The following R3HDM2 variants were observed in gnomAD, a reference collection of about 807,000 sequenced individuals.
R3HDM2 encodes R3H domain containing 2, also known as R3H domain-containing protein 2.
A neutral mutation model predicts 124.5 loss-of-function variants in R3HDM2; 38 were observed. The observed-to-expected ratio is 0.31, with a 90% confidence interval of 0.24 to 0.40. The LOEUF is 0.40. R3HDM2 is among the 10% of genes least tolerant of loss of function. The pLI, the probability that R3HDM2 is intolerant of heterozygous loss-of-function variation, is 1.00. For synonymous variants in R3HDM2, 391 were observed against 448.0 expected (o/e 0.87, Z 1.61); for missense variants, 869 against 1,236.9 (o/e 0.70, Z 4.46).
rs78522548 is a variant in R3HDM2 at position 57,339,855 on chromosome 12, T to G, written c.-35-29392A>C. 4.0e-4 allele frequency among the ~76,000 whole-genome samples: 61 copies of G among 152,306 alleles called. 1 individual carries two copies. In the East Asian group the frequency reaches 0.012, roughly 29 times the overall value. Reference sequence around the variant, plus strand: ...CCTTCCAACATATATATCACATTTTTAATTATCCCAAACGGGGTGATGCTA... The same window carrying G: ...CCTTCCAACATATATATCACATTTTGAATTATCCCAAACGGGGTGATGCTA... On this transcript the variant is annotated intron_variant, in intron 2 of 23. Transcript: ENST00000402412.
intron 1 of R3HDM2, among the ~76,000 whole-genome samples, chr12:57,402,902 C>A (rs1320512000): frequency 1.3e-5 from 2 of 152,014 alleles, no homozygotes; most frequent in Non-Finnish European, 1.5e-5. Flanking sequence ...AGCTATATTG[C>A]TAAGTGAAAA....
At chr12:57,337,625 C>CA (rs2059024778) in intron 2 of R3HDM2, among the ~76,000 whole-genome samples, 1 of 151,970 alleles carries the variant, frequency 6.6e-6, no homozygotes, top group African/African-American at 2.4e-5. Flanking sequence ...AAAAAACAAA[C>CA]AAAAAAACCC....
intron 2 of R3HDM2, among the ~76,000 whole-genome samples, chr12:57,368,684 A>G (rs1239617621): frequency 6.6e-6 from 1 of 152,176 alleles, no homozygotes; most frequent in Non-Finnish European, 1.5e-5. Flanking sequence ...TACACTATCC[A>G]TGACTCCACT....
chr12:57,386,155 G>C (rs10876979), intron 2 of R3HDM2, among the ~76,000 whole-genome samples: 3 of 147,488 alleles, frequency 2.0e-5, no homozygotes, highest in East Asian at 1.9e-4. Context: ...TGCTGGCAGC[G>C]CTCGCAGCCC....
intron 1 of R3HDM2, among the ~76,000 whole-genome samples, chr12:57,428,353 T>C (rs1868451459): frequency 6.6e-6 from 1 of 151,998 alleles, no homozygotes; most frequent in Admixed American, 6.6e-5. Context: ...TTGGTTTGGC[T>C]GGGCGCGGTG....
At chr12:57,401,263 G>A (rs1442813924) in intron 1 of R3HDM2, among the ~76,000 whole-genome samples, 1 of 151,204 alleles carries the variant, frequency 6.6e-6, no homozygotes, top group African/African-American at 2.4e-5. Flanking sequence ...TCAGAGTGCA[G>A]CATGAATGAC....
chr12:57,424,046 G>A (rs1215531274), intron 1 of R3HDM2, among the ~76,000 whole-genome samples: 5 of 143,378 alleles, frequency 3.5e-5, no homozygotes, highest in South Asian at 4.4e-4. Context: ...CCCAGGAGTC[G>A]GAGGTTGCGG....
At chr12:57,255,878 T>C (rs769784692) in intron 23 of R3HDM2, 112 bp downstream of exon 23, 85 of 846,494 alleles carry the variant, frequency 1.0e-4, no homozygotes, top group Non-Finnish European at 1.4e-4. Flanking sequence ...GCACAAAGGG[T>C]CCCACTTCCA....
chr12:57,268,377 C>A lies in R3HDM2; in HGVS notation c.1956G>T (p.Val652=). ...CCCCCGCTGCTGGGAGGCCTCCTTG[C>A]ACAGACTGGCTCACAGGGACCAGCA... ...QPMLVPVSQS[V]QGGLPAAGVP... Residue 652 remains valine (V), a synonymous_variant, in exon 18 of 24, where the codon GTG becomes GTT. Coordinates refer to ENST00000402412, the MANE Select transcript of R3HDM2 (RefSeq NM_001394031.1). 6.2e-7 allele frequency: 1 copy of A among 1,614,092 alleles called. No individual in the cohort carries two copies. Among genetic ancestry groups the A allele is most frequent in the Non-Finnish European group, 8.5e-7 (1 of 1,180,006 alleles).
chr12:57,288,040 G>A (rs1198663407), intron 12 of R3HDM2, among the ~76,000 whole-genome samples: 1 of 140,988 alleles, frequency 7.1e-6, no homozygotes, highest in Non-Finnish European at 1.5e-5. Context: ...TTTTGAGACA[G>A]AGTCTTGCTC....
chr12:57,302,035 C>T (rs1461596543), intron 4 of R3HDM2, among the ~76,000 whole-genome samples: 1 of 152,106 alleles, frequency 6.6e-6, no homozygotes. Flanking sequence ...AAACCCGGCA[C>T]TTTGGGAGGC....
At chr12:57,298,610 C>T (rs1231623995) in intron 6 of R3HDM2, among the ~76,000 whole-genome samples, 1 of 150,130 alleles carries the variant, frequency 6.7e-6, no homozygotes, top group Admixed American at 6.7e-5. Flanking sequence ...GCTACCAGTA[C>T]AAGAGTTTAA....
intron 2 of R3HDM2, among the ~76,000 whole-genome samples, chr12:57,388,751 T>C (rs2066247598): frequency 6.6e-6 from 1 of 151,894 alleles, no homozygotes. Flanking sequence ...TTTTCCCGAA[T>C]TAGGACTCCA....
At chr12:57,375,085 T>C (rs1289769636) in intron 2 of R3HDM2, among the ~76,000 whole-genome samples, 2 of 151,602 alleles carry the variant, frequency 1.3e-5, no homozygotes, top group East Asian at 1.9e-4. Flanking sequence ...AGACCAGACA[T>C]ATTCCACAAA....
At chr12:57,419,473 A>G (rs923292163) in intron 1 of R3HDM2, among the ~76,000 whole-genome samples, 3 of 149,232 alleles carry the variant, frequency 2.0e-5, no homozygotes, top group Admixed American at 6.7e-5. Context: ...ACAGGGTCTC[A>G]CTCTGTTGAC....
intron 2 of R3HDM2, among the ~76,000 whole-genome samples, chr12:57,337,813 T>C (rs2059054098): frequency 6.6e-6 from 1 of 152,220 alleles, no homozygotes; most frequent in Admixed American, 6.5e-5. Flanking sequence ...CATAGGAAGC[T>C]ATCTTTCTCA....
chr12:57,306,382 A>G (rs552406101), intron 3 of R3HDM2, among the ~76,000 whole-genome samples: 1 of 149,720 alleles, frequency 6.7e-6, no homozygotes, highest in East Asian at 2.0e-4. Context: ...TAAAGGCAGA[A>G]AGCCCAACTA....
At chr12:57,387,513 A>G (rs1031230406) in intron 2 of R3HDM2, among the ~76,000 whole-genome samples, 6 of 152,232 alleles carry the variant, frequency 3.9e-5, no homozygotes, top group Admixed American at 6.5e-5. Context: ...CACTTTTAGT[A>G]AATTTATACT....
At chr12:57,353,033 A>G (rs1285445971) in intron 2 of R3HDM2, among the ~76,000 whole-genome samples, 1 of 152,222 alleles carries the variant, frequency 6.6e-6, no homozygotes, top group Non-Finnish European at 1.5e-5. Context: ...AATCCTTAAA[A>G]TGTTCAAAAA....
Sources: gnomAD v4.1 joint callset for allele counts (sites outside exome capture counted in the v4.1 genomes callset) on GRCh38, gnomAD v4.1.1 for gene constraint, MANE v1.5 for transcripts, NCBI Gene and HGNC (gene_info 2026-07-23, HGNC 2026-07-21) for gene names.